CTSC: variants seen among roughly 807,000 people sequenced by gnomAD.
The protein encoded by CTSC is dipeptidyl peptidase 1.
In CTSC, 37 loss-of-function variants were observed where a neutral mutation model predicts 40.9. The observed-to-expected ratio is 0.91, with a 90% CI of 0.70 to 1.19. The LOEUF (loss-of-function observed/expected upper bound fraction) is 1.19, where lower values mean the gene tolerates loss of function less well. Among genes scored for constraint, CTSC ranks in the 50% most tolerant of loss-of-function variants. CTSC has a pLI of 0.00. For missense variants in CTSC, 594 were observed against 567.3 expected, an observed-to-expected ratio of 1.05 and a Z score of -0.48; for synonymous variants, 232 against 207.4, an observed-to-expected ratio of 1.12 and a Z score of -1.02.
Position 88,335,057 on chromosome 11 carries a change from C to T in CTSC, c.198G>A (p.Val66=), listed in dbSNP as rs1429812499. ...VMGPQEKKVV[V]YLQKLDTAYD... ...ATGCTGTATCCAGCTTCTGAAGGTA[C>T]ACCACTACTTTTTTTTCTTGTGGTC... The change falls in exon 2 of 7, where the codon GTG becomes GTA. Residue 66 remains valine (V), a synonymous_variant. Transcript: ENST00000227266. 1.3e-6 allele frequency: 2 copies of T among 1,593,166 alleles called. No homozygotes were observed. Among genetic ancestry groups the T allele is most frequent in the African/African-American group, 1.4e-5 (1 of 73,548 alleles).
chr11:88,335,127 T>C (rs1938459549), intron 1 of CTSC, 45 bp from the exon 2 acceptor site: 1 of 1,266,950 alleles, frequency 7.9e-7, no homozygotes, highest in African/African-American at 1.5e-5. Flanking sequence ...ATTATTTGGA[T>C]TTCAATAGGG....
chr11:88,320,705 T>C (rs1189130141), intron 2 of CTSC: 1 of 424,912 alleles, frequency 2.4e-6, no homozygotes, highest in Non-Finnish European at 3.1e-6. Flanking sequence ...GTCTAATCTC[T>C]TTTCCACTAA....
intron 2 of CTSC, chr11:88,327,818 G>A: frequency 2.5e-6 from 1 of 398,688 alleles, no homozygotes; most frequent in Non-Finnish European, 4.7e-6. Flanking sequence ...CTTTTTTTTA[G>A]CTGGGTCTTT....
chr11:88,326,300 C>T, intron 2 of CTSC: 2 of 1,611,476 alleles, frequency 1.2e-6, no homozygotes, highest in African/African-American at 1.3e-5. Context: ...ATAAAGACTC[C>T]AGAAGGGACT....
At chr11:88,295,627 C>A (rs978695650) in intron 6 of CTSC, among the ~76,000 whole-genome samples, 1 of 152,134 alleles carries the variant, frequency 6.6e-6, no homozygotes, top group Non-Finnish European at 1.5e-5. Context: ...GAGATTCACC[C>A]ATCTCAGCCT....
chr11:88,296,189 G>C lies in CTSC; in HGVS notation c.833C>G (p.Ser278Cys). ...EARIRILTNN[S>C]QTPILSPQEV... ...CTGAGGGCTTAGGATTGGGGTCTGA[G>C]AATTGTTGGTTAGTATACGGATTCT... Residue 278 changes from serine to cysteine, a missense_variant, in exon 6 of 7, where the codon TCT (serine) becomes TGT (cysteine). Physicochemically the swap from Ser to Cys is moderately radical, Grantham distance 112 (BLOSUM62 -1). Transcript: ENST00000227266. 2 of 1,614,056 alleles carry C rather than the reference G, an allele frequency of 1.2e-6. No homozygotes were observed. Among genetic ancestry groups the C allele is most frequent in the Non-Finnish European group, 1.7e-6 (2 of 1,179,982 alleles).
chr11:88,315,833 C>CT (rs1038830493), intron 2 of CTSC, among the ~76,000 whole-genome samples: 12 of 151,874 alleles, frequency 7.9e-5, no homozygotes, highest in Admixed American at 2.6e-4. Flanking sequence ...ACAGAAAAGG[C>CT]TTTTTTTTAA....
At chr11:88,335,175 T>C in intron 1 of CTSC, 93 bp from the exon 2 acceptor site, 1 of 866,834 alleles carries the variant, frequency 1.2e-6, no homozygotes, top group Non-Finnish European at 1.9e-6. Flanking sequence ...TTGTGCTGCT[T>C]TCCTTTCATG....
chr11:88,320,902 G>T, intron 2 of CTSC: 1 of 908,114 alleles, frequency 1.1e-6, no homozygotes, highest in Non-Finnish European at 1.3e-6. Flanking sequence ...CAAATGGTTA[G>T]TAAGATGGAG....
At chr11:88,336,718 AGT>A (rs1455306943) in intron 1 of CTSC, among the ~76,000 whole-genome samples, 1 of 152,110 alleles carries the variant, frequency 6.6e-6, no homozygotes, top group Non-Finnish European at 1.5e-5. Flanking sequence ...GGTAGACCAC[AGT>A]GTGACTCTTC....
intron 2 of CTSC, among the ~76,000 whole-genome samples, chr11:88,329,965 G>A (rs1938305655): frequency 6.6e-6 from 1 of 152,186 alleles, no homozygotes; most frequent in African/African-American, 2.4e-5. Flanking sequence ...CAAAGTGCTG[G>A]AATTAAAGGC....
rs562805828 is a variant in CTSC, at chr11:88,304,448, C to T, written c.642-3803G>A. Among the ~76,000 whole-genome samples the T allele has an allele frequency of 1.6e-4, 25 of 152,232 alleles. 1 individual carries two copies. In the South Asian group the frequency reaches 5.2e-3, roughly 32 times the overall value. On this transcript the variant is annotated intron_variant, in intron 4 of 6. Coordinates refer to ENST00000227266, the MANE Select transcript of CTSC (RefSeq NM_001814.6). ...TATTAAGTTCCTTTTTTCTACCATC[C>T]TATAAGGCAGAGATTTGCCCATCAT...
intron 2 of CTSC, among the ~76,000 whole-genome samples, chr11:88,331,043 G>A (rs572019135): frequency 6.6e-6 from 1 of 152,254 alleles, no homozygotes; most frequent in Non-Finnish European, 1.5e-5. Flanking sequence ...AGAATGCTGT[G>A]GTGTGGAAAA....
rs1944266719 is a variant in CTSC at position 88,293,761 on chromosome 11, C to CT, written c.*244dup. 4 of 551,878 alleles carry CT rather than the reference C, an allele frequency of 7.2e-6. No individual in the cohort carries two copies. The highest frequency in any genetic ancestry group is 1.3e-5 in the Non-Finnish European group (4 of 308,486). The allele number at this position is 551,878 out of a possible 1,614,324, so 34.2% of individuals were successfully genotyped here. On this transcript the variant is annotated 3_prime_UTR_variant, in exon 7 of 7. Transcript: ENST00000227266. ...TGAATTACAAATGATTAAGCAAACT[C>CT]TATTACTTCATAGCTGACCATCTTC...
chr11:88,333,914 T>C (rs1193514876), intron 2 of CTSC, among the ~76,000 whole-genome samples: 1 of 151,996 alleles, frequency 6.6e-6, no homozygotes, highest in African/African-American at 2.4e-5. Flanking sequence ...TAAAGAAAGG[T>C]CCTTATTTTA....
Position 88,334,941 on chromosome 11 carries a change from A to T in CTSC, c.314T>A (p.Phe105Tyr). Residue 105 changes from phenylalanine to tyrosine, a missense_variant, in exon 2 of 7, where the codon TTT becomes TAT. Physicochemically the swap from Phe to Tyr is conservative, Grantham distance 22. Transcript: ENST00000227266. ...VLNDYKWFAF[F>Y]KYKEEGSKVT... ...CCAACTTCCAACAAAACTAACCTTA[A>T]AAAAGGCAAACCACTTGTAGTCATT... 1.2e-6 allele frequency: 2 copies of T among 1,611,892 alleles called. No individual in the cohort carries two copies. Among genetic ancestry groups the T allele is most frequent in the South Asian group, 2.2e-5 (2 of 91,028 alleles).
At chr11:88,313,576 C>G (rs765469795) in intron 2 of CTSC, among the ~76,000 whole-genome samples, 6 of 152,052 alleles carry the variant, frequency 3.9e-5, no homozygotes, top group Non-Finnish European at 7.4e-5. Flanking sequence ...CCTAGTCACC[C>G]TCATGTTAGA....
intron 2 of CTSC, chr11:88,320,853 G>T: frequency 1.2e-6 from 1 of 826,604 alleles, no homozygotes; most frequent in Non-Finnish European, 1.5e-6. Context: ...TTTATTGAAG[G>T]CTTATTATTG....
intron 5 of CTSC, 63 bp downstream of exon 5, chr11:88,300,467 A>G (rs745351013): frequency 7.1e-5 from 71 of 1,000,208 alleles, no homozygotes; most frequent in Non-Finnish European, 1.1e-4. Context: ...TCCATCACAC[A>G]GAGCAACTGT....
Sources: gnomAD v4.1 joint callset for allele counts (sites outside exome capture counted in the v4.1 genomes callset) on GRCh38, gnomAD v4.1.1 for gene constraint, MANE v1.5 for transcripts, NCBI Gene and HGNC (gene_info 2026-07-23, HGNC 2026-07-21) for gene names.